ESCO2: variants seen among roughly 807,000 people sequenced by gnomAD.
ESCO2 encodes the protein establishment of sister chromatid cohesion N-acetyltransferase 2, also known as N-acetyltransferase ESCO2.
A neutral mutation model predicts 61.7 loss-of-function variants in ESCO2; 51 were observed. The ratio of observed to expected loss-of-function variants is 0.83; its 90% CI spans 0.66 to 1.04. The LOEUF (loss-of-function observed/expected upper bound fraction) is 1.04, where lower values mean the gene tolerates loss of function less well. Among genes scored for constraint, ESCO2 ranks in the 50% least tolerant of loss-of-function variants. The probability of loss-of-function intolerance (pLI) is 0.00; values close to 1 mark genes in which losing one functional copy is unlikely to be tolerated. For missense variants in ESCO2, 692 were observed against 686.2 expected (o/e 1.01, Z -0.09); for synonymous variants, 230 against 238.2 (o/e 0.97, Z 0.32).
At chr8:27,792,972 T>C (rs911861282) in intron 9 of ESCO2, among the ~76,000 whole-genome samples, 161 bp downstream of exon 9, 1 of 152,212 alleles carries the variant, frequency 6.6e-6, no homozygotes, top group African/African-American at 2.4e-5. Context: ...TCCATTAATA[T>C]TTGGAATTTT....
chr8:27,776,469 ATTTTG>A lies in ESCO2; in HGVS notation c.166_170del (p.Val56LysfsTer7), dbSNP rs750842366. 20 of 1,611,880 alleles carry A rather than the reference ATTTTG, an allele frequency of 1.2e-5. No homozygotes were observed. The African/African-American group carries it at 1.5e-4, about 12-fold the overall frequency. ...AACCTGCATTGCTCTCAACAAGAGC[ATTTTG>A]TTTTAAGTGCGCTCAAAACAACTGA... On this transcript the variant is annotated frameshift_variant, in exon 3 of 11. Transcript: ENST00000305188. LOFTEE classifies it high-confidence loss of function.
chr8:27,807,718 T>C (rs1214529629), downstream of ESCO2, among the ~76,000 whole-genome samples: 1 of 152,148 alleles, frequency 6.6e-6, no homozygotes, highest in Non-Finnish European at 1.5e-5. Context: ...TTTAATTTTT[T>C]CCCCCCATTG....
intron 5 of ESCO2, among the ~76,000 whole-genome samples, chr8:27,787,197 C>A (rs564165071): frequency 3.3e-5 from 5 of 152,262 alleles, no homozygotes; most frequent in African/African-American, 1.2e-4. Flanking sequence ...TATGGGCCAA[C>A]CAAAACATAT....
chr8:27,819,365 CCTTT>C, the ESCO2 span, among the ~76,000 whole-genome samples: 1 of 151,806 alleles, frequency 6.6e-6, no homozygotes, highest in Non-Finnish European at 1.5e-5. Flanking sequence ...GAAAATGTTT[CCTTT>C]GAGTAGTTTT....
At chr8:27,803,212 T>C in intron 10 of ESCO2, 94 bp from the exon 11 acceptor site, 1 of 1,110,618 alleles carries the variant, frequency 9.0e-7, no homozygotes, top group Non-Finnish European at 1.4e-6. Context: ...AAAATAAGGT[T>C]GATTTAAGTC....
downstream of ESCO2, among the ~76,000 whole-genome samples, chr8:27,808,517 T>TA (rs59212659): frequency 7.3e-4 from 103 of 141,436 alleles, no homozygotes; most frequent in East Asian, 8.1e-4. Flanking sequence ...CTACAAAAAA[T>TA]AAAAAAAAAA....
Position 27,803,806 on chromosome 8 carries a change from C to G in ESCO2, c.*368C>G. The G allele has an allele frequency of 5.9e-6, 6 of 1,024,844 alleles. No homozygotes were observed. The highest frequency in any genetic ancestry group is 7.0e-6 in the Non-Finnish European group (6 of 855,740). The allele number at this position is 1,024,844 out of a possible 1,614,324, so 63.5% of individuals were successfully genotyped here. On this transcript the variant is annotated 3_prime_UTR_variant, in exon 11 of 11. Coordinates refer to ENST00000305188, the MANE Select transcript of ESCO2 (RefSeq NM_001017420.3). The stretch of plus-strand genomic sequence containing the variant: ...GACCTGGTCTTTTATAAAGCCCACT[C>G]TTAGACCAGGATTATCTAATGCCAC...
downstream of ESCO2, among the ~76,000 whole-genome samples, chr8:27,805,723 G>A (rs1462727589): frequency 6.6e-6 from 1 of 152,018 alleles, no homozygotes. Context: ...TGATCTTCCC[G>A]CCTGAGCTCC....
intron 4 of ESCO2, among the ~76,000 whole-genome samples, chr8:27,780,982 A>G (rs1804913902): frequency 6.6e-6 from 1 of 152,214 alleles, no homozygotes; most frequent in Non-Finnish European, 1.5e-5. Context: ...GCACTGATAC[A>G]ATAGAAAATA....
In ESCO2 at chr8:27,804,853, T is replaced by G. The variant is rs993669422; in HGVS notation, c.*1415T>G. 2.6e-6 allele frequency: 2 copies of G among 755,840 alleles called. No individual in the cohort carries two copies. Among genetic ancestry groups the G allele is most frequent in the Non-Finnish European group, 3.2e-6 (2 of 620,212 alleles). The allele number at this position is 755,840 out of a possible 1,614,324, so 46.8% of individuals were successfully genotyped here. On this transcript the variant is annotated 3_prime_UTR_variant, in exon 11 of 11. Transcript: ENST00000305188. ...TTTAAAATTTTTAATTAACATTTTG[T>G]TTGCTTAATGCTTTTGTTATGAATC...
At chr8:27,787,280 T>C (rs1805066558) in intron 5 of ESCO2, among the ~76,000 whole-genome samples, 1 of 152,068 alleles carries the variant, frequency 6.6e-6, no homozygotes, top group Admixed American at 6.6e-5. Flanking sequence ...TCTTTCATAA[T>C]AGGTAAAGGT....
At position 27,800,690 on chromosome 8, in the gene ESCO2, T is replaced by A. The variant is rs1805404041; in HGVS notation, c.1673+974T>A. Among the ~76,000 whole-genome samples, 6 of 152,160 alleles carry A rather than the reference T, an allele frequency of 3.9e-5. No homozygotes were observed. The South Asian group carries it at 1.2e-3, about 32-fold the overall frequency. ...ATTATTTATAAAAGCCAAAAAAGTG[T>A]AAATAATCCAATCTGTGATTAATGG... On this transcript the variant is annotated intron_variant, in intron 10 of 10. Coordinates refer to ENST00000305188, the MANE Select transcript of ESCO2 (RefSeq NM_001017420.3).
chr8:27,796,384 ATCT>A (rs987304561), intron 9 of ESCO2, among the ~76,000 whole-genome samples: 2 of 151,984 alleles, frequency 1.3e-5, no homozygotes, highest in Non-Finnish European at 2.9e-5. Context: ...CATTTTGCGA[ATCT>A]TTTCTATTTT....
At position 27,780,249 on chromosome 8, in the gene ESCO2, C is replaced by A; in HGVS notation, c.937C>A (p.Leu313Ile). The A allele has an allele frequency of 6.2e-7, 1 of 1,608,502 alleles. No homozygotes were observed. The highest frequency in any genetic ancestry group is 8.5e-7 in the Non-Finnish European group (1 of 1,175,426). Residue 313 changes from leucine (L) to isoleucine (I), a missense_variant, in exon 4 of 11, where the codon CTT becomes ATT. Physicochemically the swap from Leu to Ile is conservative, Grantham distance 5 (BLOSUM62 2). Coordinates refer to ENST00000305188, the MANE Select transcript of ESCO2 (RefSeq NM_001017420.3). Reference protein sequence around the residue: ...KNEAFSSEDSLGENKTISPKS... With the variant: ...KNEAFSSEDSIGENKTISPKS... ...TGAGGCTTTTTCTTCAGAGGATTCT[C>A]TTGGTGAGAATAAGACAAGTAAGAG...
chr8:27,816,559 G>A (rs1805819160), downstream of ESCO2, among the ~76,000 whole-genome samples: 1 of 151,278 alleles, frequency 6.6e-6, no homozygotes, highest in African/African-American at 2.4e-5. Context: ...TGTATTTTTA[G>A]TAGAGACGGG....
intron 6 of ESCO2, 32 bp downstream of exon 6, chr8:27,788,034 C>G: frequency 6.6e-7 from 1 of 1,520,726 alleles, no homozygotes; most frequent in South Asian, 1.1e-5. Context: ...CTTCTCCTAT[C>G]TAGCCCTTTG....
At chr8:27,814,629 A>G (rs576870651), downstream of ESCO2, among the ~76,000 whole-genome samples, 38 of 152,198 alleles carry the variant, frequency 2.5e-4, no homozygotes, top group Non-Finnish European at 4.7e-4. Context: ...CTTTTTTCCA[A>G]TATAATTTAC....
intron 3 of ESCO2, chr8:27,778,200 T>C (rs1156532323): frequency 1.3e-5 from 2 of 152,230 alleles, no homozygotes; most frequent in Non-Finnish European, 2.9e-5. Context: ...ATTTGACAAA[T>C]ATGGGTTCTT....
At chr8:27,790,071 C>T (rs1255756218) in intron 7 of ESCO2, among the ~76,000 whole-genome samples, 1 of 152,184 alleles carries the variant, frequency 6.6e-6, no homozygotes, top group Non-Finnish European at 1.5e-5. Context: ...AGGAATAAAA[C>T]CCAGACTCCT....
Sources: allele counts gnomAD v4.1 joint callset (sites outside exome capture counted in the v4.1 genomes callset), GRCh38; gene constraint gnomAD v4.1.1; transcripts MANE v1.5; gene names NCBI Gene and HGNC (gene_info 2026-07-23, HGNC 2026-07-21).